The following GOT2 variants were observed in gnomAD, a reference collection of about 807,000 sequenced individuals.
The protein encoded by GOT2 is aspartate aminotransferase, mitochondrial.
In GOT2, 17 loss-of-function variants were observed where a neutral mutation model predicts 50.0. That is an observed-to-expected ratio of 0.34 (90% confidence interval 0.23 to 0.51). The LOEUF (loss-of-function observed/expected upper bound fraction) is 0.51. GOT2 is among the 20% of genes least tolerant of loss of function. The probability of loss-of-function intolerance (pLI) is 0.97; values close to 1 mark genes in which losing one functional copy is unlikely to be tolerated. For synonymous variants in GOT2, 172 were observed against 204.9 expected (o/e 0.84, Z 1.37); for missense variants, 430 against 559.6 (o/e 0.77, Z 2.34).
chr16:58,712,522 G>GAACAACAAC (rs10676089), intron 8 of GOT2, among the ~76,000 whole-genome samples: 14 of 150,770 alleles, frequency 9.3e-5, no homozygotes, highest in South Asian at 4.2e-4. Context: ...ACAACAACAA[G>GAACAACAAC]AACAACAACA....
Position 58,708,142 on chromosome 16 carries a change from G to GT in GOT2, c.*28dup. 1 of 1,609,520 alleles carries GT rather than the reference G, an allele frequency of 6.2e-7. No individual in the cohort carries two copies. The highest frequency in any genetic ancestry group is 8.5e-7 in the Non-Finnish European group (1 of 1,177,156). ...AATAGCAGAGGCTGAAGACAGAAAG[G>GT]TTGTCTCTGTTTCCTCGCACCAGGG... On this transcript the variant is annotated 3_prime_UTR_variant, in exon 10 of 10. Coordinates refer to ENST00000245206, the MANE Select transcript of GOT2 (RefSeq NM_002080.4).
At chr16:58,712,543 C>CAAG (rs920922829) in intron 8 of GOT2, among the ~76,000 whole-genome samples, 3 of 151,924 alleles carry the variant, frequency 2.0e-5, no homozygotes, top group African/African-American at 4.8e-5. Context: ...ACAACAACAA[C>CAAG]AACAAGAACA....
At chr16:58,722,748 G>A (rs1480403644) in intron 2 of GOT2, among the ~76,000 whole-genome samples, 1 of 152,106 alleles carries the variant, frequency 6.6e-6, no homozygotes, top group Admixed American at 6.6e-5. Flanking sequence ...TTGCAGAACA[G>A]AAATACTTTC....
chr16:58,723,777 C>T lies in GOT2; in HGVS notation c.215G>A (p.Gly72Glu). 2 of 1,613,338 alleles carry T rather than the reference C, an allele frequency of 1.2e-6. No homozygotes were observed. Among genetic ancestry groups the T allele is most frequent in the Non-Finnish European group, 1.7e-6 (2 of 1,179,340 alleles). Residue 72 changes from glycine (G) to glutamate (E), a missense_variant, in exon 2 of 10, where the codon GGA becomes GAA. Coordinates refer to ENST00000245206, the MANE Select transcript of GOT2 (RefSeq NM_002080.4). ...GACGCTAGGCAGAACGTAAGGCTTT[C>T]CATTATCATCCCGGTAGGCACCAAC... ...LGVGAYRDDNGKPYVLPSVRK... is the reference protein window; with the variant it reads ...LGVGAYRDDNEKPYVLPSVRK...
At position 58,723,814 on chromosome 16, in the gene GOT2, T is replaced by C. The variant is rs1299230692; in HGVS notation, c.178A>G (p.Met60Val). The change falls in exon 2 of 10, where the codon ATG (methionine) becomes GTG (valine). Residue 60 changes from methionine to valine, a missense_variant. By Grantham distance (21) the Met-to-Val change is conservative. Transcript: ENST00000245206. ...AFKRDTNSKK[M>V]NLGVGAYRDD... ...CGGTAGGCACCAACTCCCAGATTCA[T>C]CTTTTTGCTATTGGTGTCCCTCTTA... 4.3e-6 allele frequency: 7 copies of C among 1,612,852 alleles called. No homozygotes were observed. The highest frequency in any genetic ancestry group is 2.2e-5 in the East Asian group (1 of 44,872).
At chr16:58,712,119 A>G (rs574483286) in intron 8 of GOT2, among the ~76,000 whole-genome samples, 8 of 151,664 alleles carry the variant, frequency 5.3e-5, no homozygotes, top group African/African-American at 1.7e-4. Flanking sequence ...TTTAATGCAC[A>G]GCTCACATGC....
intron 1 of GOT2, 25 bp from the exon 2 acceptor site, chr16:58,723,927 A>G: frequency 6.2e-7 from 1 of 1,602,120 alleles, no homozygotes; most frequent in Non-Finnish European, 8.5e-7. Context: ...ACATTAGCTC[A>G]ATCCCATTAG....
chr16:58,730,242 A>G (rs7186105), intron 1 of GOT2, among the ~76,000 whole-genome samples: 10,259 of 152,092 alleles, frequency 0.067, 817 homozygotes, highest in African/African-American at 0.2. Flanking sequence ...GTACATGTGC[A>G]TGTCCTGGGG....
In GOT2 at chr16:58,718,365, C is replaced by T. The variant is rs542517150; in HGVS notation, c.598-65G>A. The stretch of plus-strand genomic sequence containing the variant: ...AAAGGAAATGGTTTATCTGAAATGC[C>T]ACAGGATCGTCATCATTTGATAAGT... On this transcript the variant is annotated intron_variant, in intron 5 of 9. Coordinates refer to ENST00000245206, the MANE Select transcript of GOT2 (RefSeq NM_002080.4). 4.2e-4 allele frequency: 599 copies of T among 1,421,072 alleles called. 6 individuals are homozygous for T. In the South Asian group the frequency reaches 6.6e-3, roughly 16 times the overall value. 88.0% of individuals were successfully genotyped at this position (1,421,072 alleles called of 1,614,324 possible). A position where few individuals can be genotyped will look rare whatever the true frequency, so the allele number is the denominator to read the frequency against.
At chr16:58,726,914 G>A (rs893392101) in intron 1 of GOT2, among the ~76,000 whole-genome samples, 1 of 152,036 alleles carries the variant, frequency 6.6e-6, no homozygotes, top group Non-Finnish European at 1.5e-5. Flanking sequence ...AGCACTTTGG[G>A]AAGCCGAAGT....
chr16:58,730,768 T>C (rs2044829251), intron 1 of GOT2, among the ~76,000 whole-genome samples: 1 of 152,158 alleles, frequency 6.6e-6, no homozygotes, highest in African/African-American at 2.4e-5. Context: ...ACTACACACA[T>C]ATTGTAAGAA....
At chr16:58,712,986 C>A (rs868041395) in intron 8 of GOT2, among the ~76,000 whole-genome samples, 2 of 152,120 alleles carry the variant, frequency 1.3e-5, no homozygotes, top group Non-Finnish European at 2.9e-5. Flanking sequence ...GTAATCCCAG[C>A]TACTTGGGAG....
chr16:58,729,716 A>G (rs2044817083), intron 1 of GOT2, among the ~76,000 whole-genome samples: 1 of 128,902 alleles, frequency 7.8e-6, no homozygotes, highest in East Asian at 2.0e-4. Context: ...TATACCTTTT[A>G]AGAATTCTTT....
At position 58,707,928 on chromosome 16, in the gene GOT2, A is replaced by G; in HGVS notation, c.*243T>C. The G allele has an allele frequency of 3.0e-6, 1 of 330,130 alleles. No individual in the cohort carries two copies. The highest frequency in any genetic ancestry group is 5.5e-6 in the Non-Finnish European group (1 of 181,440). The allele number at this position is 330,130 out of a possible 1,614,324, so 20.5% of individuals were successfully genotyped here. ...TTGCACATGTAAACTCTTTGAGAAA[A>G]GTTGGAGAAAAAAGGACCGGGGAGA... On this transcript the variant is annotated 3_prime_UTR_variant, in exon 10 of 10. Transcript: ENST00000245206.
At chr16:58,712,540 C>G (rs2044657671) in intron 8 of GOT2, among the ~76,000 whole-genome samples, 2 of 151,904 alleles carry the variant, frequency 1.3e-5, no homozygotes, top group African/African-American at 4.8e-5. Flanking sequence ...ACAACAACAA[C>G]AACAACAAGA....
At chr16:58,712,823 TG>T (rs1237481356) in intron 8 of GOT2, among the ~76,000 whole-genome samples, 1 of 152,078 alleles carries the variant, frequency 6.6e-6, no homozygotes, top group Non-Finnish European at 1.5e-5. Flanking sequence ...CAGATAACAA[TG>T]GGTGGCTGGG....
chr16:58,720,000 G>A (rs1214865082), intron 3 of GOT2, among the ~76,000 whole-genome samples: 1 of 152,096 alleles, frequency 6.6e-6, no homozygotes, highest in Non-Finnish European at 1.5e-5. Flanking sequence ...TCAGGAGTTC[G>A]AGATCAGCCT....
At chr16:58,724,085 C>T (rs2044763087) in intron 1 of GOT2, among the ~76,000 whole-genome samples, 183 bp from the exon 2 acceptor site, 1 of 151,896 alleles carries the variant, frequency 6.6e-6, no homozygotes, top group Non-Finnish European at 1.5e-5. Flanking sequence ...TCCCAAGTAG[C>T]TGGGATTACA....
At chr16:58,725,145 C>T (rs1184488496) in intron 1 of GOT2, among the ~76,000 whole-genome samples, 2 of 149,852 alleles carry the variant, frequency 1.3e-5, no homozygotes, top group Non-Finnish European at 3.0e-5. Context: ...GATGGAATCT[C>T]ACTCTGTCAC....
Sources: gnomAD v4.1 joint callset for allele counts (sites outside exome capture counted in the v4.1 genomes callset) on GRCh38, gnomAD v4.1.1 for gene constraint, MANE v1.5 for transcripts, NCBI Gene and HGNC (gene_info 2026-07-23, HGNC 2026-07-21) for gene names.